Variants in PIP4K2B observed in about 807,000 individuals in gnomAD.
The protein encoded by PIP4K2B is phosphatidylinositol-5-phosphate 4-kinase type 2 beta.
In PIP4K2B, 3 loss-of-function variants were observed where a neutral mutation model predicts 42.0. The observed-to-expected ratio is 0.07, with a 90% confidence interval of 0.03 to 0.18. The LOEUF (loss-of-function observed/expected upper bound fraction) is 0.18, where lower values mean the gene tolerates loss of function less well. PIP4K2B is among the 10% of genes least tolerant of loss of function. The pLI is 1.00. For missense variants in PIP4K2B, 332 were observed against 562.3 expected (o/e 0.59, Z 4.14); for synonymous variants, 204 against 210.1 (o/e 0.97, Z 0.25).
chr17:38,782,963 A>G (rs1250203928), intron 3 of PIP4K2B, among the ~76,000 whole-genome samples: 1 of 152,108 alleles, frequency 6.6e-6, no homozygotes, highest in East Asian at 1.9e-4. Flanking sequence ...CGAGGCAGGC[A>G]GATCACAAGG....
intron 1 of PIP4K2B, among the ~76,000 whole-genome samples, chr17:38,790,388 CAA>C (rs1490980356): frequency 6.6e-6 from 1 of 152,158 alleles, no homozygotes; most frequent in Non-Finnish European, 1.5e-5. Flanking sequence ...AAAACAGAGA[CAA>C]AGAGTTCAGG....
At chr17:38,792,606 T>G (rs56370905) in intron 1 of PIP4K2B, 20 of 152,352 alleles carry the variant, frequency 1.3e-4, no homozygotes, top group African/African-American at 4.8e-4. Context: ...GGACTAGGCA[T>G]GCAGGTTTCC....
chr17:38,789,163 G>C (rs1313075724), intron 1 of PIP4K2B, among the ~76,000 whole-genome samples: 1 of 152,180 alleles, frequency 6.6e-6, no homozygotes, highest in Non-Finnish European at 1.5e-5. Context: ...CTGATGTCAA[G>C]TCCTGCCATA....
At chr17:38,777,949 G>A (rs898879628) in intron 6 of PIP4K2B, 149 bp from the exon 7 acceptor site, 20 of 631,326 alleles carry the variant, frequency 3.2e-5, no homozygotes, top group Non-Finnish European at 5.1e-5. Context: ...CAGTGCAGGA[G>A]CCTCTAGTCC....
At chr17:38,775,890 T>C (rs1909311663) in intron 7 of PIP4K2B, among the ~76,000 whole-genome samples, 1 of 151,282 alleles carries the variant, frequency 6.6e-6, no homozygotes, top group East Asian at 1.9e-4. Context: ...AAGAAAAAAA[T>C]TCTGACACAT....
At chr17:38,785,676 T>C (rs531020062) in intron 2 of PIP4K2B, among the ~76,000 whole-genome samples, 167 of 152,230 alleles carry the variant, frequency 1.1e-3, no homozygotes, top group African/African-American at 3.8e-3. Context: ...TGAAACTGTC[T>C]CAAAACAACA....
intron 1 of PIP4K2B, among the ~76,000 whole-genome samples, chr17:38,795,511 G>A (rs919687571): frequency 1.9e-4 from 29 of 152,334 alleles, no homozygotes; most frequent in African/African-American, 5.5e-4. Context: ...AGCACTCTGG[G>A]AAGCCAAGGC....
rs1015010653 is a variant in PIP4K2B at position 38,769,011 on chromosome 17, G to A, written c.*680C>T. ...TCTGAGATCTCTGATTCTGATCTGA[G>A]ATCTCTGGTGTTGACCTGGTGTATT... On this transcript the variant is annotated 3_prime_UTR_variant, in exon 10 of 10. Transcript: ENST00000619039. 2 of 152,660 alleles carry A rather than the reference G, an allele frequency of 1.3e-5. No homozygotes were observed. Among genetic ancestry groups the A allele is most frequent in the Non-Finnish European group, 2.9e-5 (2 of 68,078 alleles). The allele number at this position is 152,660 out of a possible 1,614,324, so 9.5% of individuals were successfully genotyped here.
At chr17:38,773,149 G>A (rs1478383859) in intron 7 of PIP4K2B, among the ~76,000 whole-genome samples, 3 of 152,072 alleles carry the variant, frequency 2.0e-5, no homozygotes, top group Admixed American at 2.0e-4. Context: ...AGAAAATAAG[G>A]GTAGACAGTG....
At chr17:38,776,474 A>G (rs145639757) in intron 7 of PIP4K2B, 383 of 309,874 alleles carry the variant, frequency 1.2e-3, no homozygotes, top group Non-Finnish European at 2.0e-3. Flanking sequence ...CCACTCAACT[A>G]TATATCAAAA....
At chr17:38,793,327 G>A (rs1459140648) in intron 1 of PIP4K2B, among the ~76,000 whole-genome samples, 3 of 147,824 alleles carry the variant, frequency 2.0e-5, no homozygotes, top group Admixed American at 6.8e-5. Flanking sequence ...CAATGCAACC[G>A]CCGTCTCCCA....
At chr17:38,779,082 G>A (rs951680902) in intron 5 of PIP4K2B, among the ~76,000 whole-genome samples, 24 of 152,330 alleles carry the variant, frequency 1.6e-4, no homozygotes, top group African/African-American at 4.8e-4. Context: ...GTCCATGGGG[G>A]CCTGATGGAT....
intron 6 of PIP4K2B, 50 bp from the exon 7 acceptor site, chr17:38,777,850 AG>A: frequency 7.7e-7 from 1 of 1,294,216 alleles, no homozygotes; most frequent in Non-Finnish European, 1.1e-6. Flanking sequence ...AATTCACCCC[AG>A]GGACACCCAA....
At chr17:38,780,304 T>C (rs1909624887) in intron 4 of PIP4K2B, 148 bp downstream of exon 4, 3 of 560,354 alleles carry the variant, frequency 5.4e-6, no homozygotes, top group African/African-American at 3.8e-5. Flanking sequence ...CTCACAGAAA[T>C]ACGGTTGCAG....
intron 5 of PIP4K2B, among the ~76,000 whole-genome samples, 193 bp downstream of exon 5, chr17:38,779,189 AT>A: frequency 6.6e-6 from 1 of 152,364 alleles, no homozygotes; most frequent in African/African-American, 2.4e-5. Flanking sequence ...TAGGGCTTAA[AT>A]AATCTCCTGT....
Position 38,799,271 on chromosome 17 carries a change from G to T in PIP4K2B, c.154C>A (p.His52Asn), listed in dbSNP as rs1910826280. ...GGCGCGCAGGAGCTGGTTACCGTGT[G>T]GTTCACCCCCCACATCAGGACGCTG... Reference protein sequence around the residue: ...ILSVLMWGVNHTINELSNVPV... With the variant: ...ILSVLMWGVNNTINELSNVPV... Residue 52 changes from histidine to asparagine, a missense_variant, in exon 1 of 10, where the codon CAC (histidine) becomes AAC (asparagine). Coordinates refer to ENST00000619039, the MANE Select transcript of PIP4K2B (RefSeq NM_003559.5). This position sits in a 1 kb window ranked among gnomAD's most constrained non-coding sequence, Gnocchi z 4.4. 6.3e-7 allele frequency: 1 copy of T among 1,599,014 alleles called. No individual in the cohort carries two copies. The highest frequency in any genetic ancestry group is 8.5e-7 in the Non-Finnish European group (1 of 1,174,322).
chr17:38,775,251 C>A (rs1398751239), intron 7 of PIP4K2B, among the ~76,000 whole-genome samples: 1 of 152,030 alleles, frequency 6.6e-6, no homozygotes, highest in Non-Finnish European at 1.5e-5. Flanking sequence ...CCGCGCCTAG[C>A]TTTTGTTTTG....
intron 3 of PIP4K2B, 67 bp downstream of exon 3, chr17:38,784,176 C>T: frequency 1.1e-6 from 1 of 929,376 alleles, no homozygotes. Context: ...TGATTCTCTA[C>T]CTGTCCTGTG....
chr17:38,778,446 A>G (rs1909492355), intron 5 of PIP4K2B, 74 bp from the exon 6 acceptor site: 2 of 1,379,254 alleles, frequency 1.5e-6, no homozygotes, highest in African/African-American at 1.4e-5. Context: ...TGGGAGAGCC[A>G]GCAGGTGAAC....
Sources: allele counts gnomAD v4.1 joint callset (sites outside exome capture counted in the v4.1 genomes callset), GRCh38; gene constraint gnomAD v4.1.1; non-coding constraint Gnocchi (gnomAD v3.1); transcripts MANE v1.5; gene names NCBI Gene and HGNC (gene_info 2026-07-23, HGNC 2026-07-21).